The following LRRTM4 variants were observed in gnomAD, a reference collection of about 807,000 sequenced individuals.
The protein encoded by LRRTM4 is leucine-rich repeat transmembrane neuronal protein 4.
LRRTM4 carries 25 observed loss-of-function variants against 47.6 expected under a neutral mutation model. The observed-to-expected ratio is 0.53, with a 90% confidence interval of 0.38 to 0.73. The LOEUF (loss-of-function observed/expected upper bound fraction) is 0.73. Ranked by LOEUF, LRRTM4 falls within the 30% of genes least tolerant of loss-of-function variation. The probability of loss-of-function intolerance (pLI) is 0.00; values close to 1 mark genes in which losing one functional copy is unlikely to be tolerated. For synonymous variants in LRRTM4, 311 were observed against 269.5 expected (o/e 1.15, Z -1.51); for missense variants, 638 against 713.4 (o/e 0.89, Z 1.20).
At chr2:77,391,421 T>G (rs1182215198) in intron 3 of LRRTM4, among the ~76,000 whole-genome samples, 1 of 152,026 alleles carries the variant, frequency 6.6e-6, no homozygotes, top group Admixed American at 6.6e-5. Context: ...CATTGTTTTA[T>G]GTCAAATTTT....
intron 3 of LRRTM4, among the ~76,000 whole-genome samples, chr2:77,455,178 A>C (rs1325876124): frequency 6.6e-6 from 1 of 152,028 alleles, no homozygotes; most frequent in Non-Finnish European, 1.5e-5. Context: ...ACAGAGCAAG[A>C]CTCTGTCTCT....
At chr2:76,896,879 T>A (rs578231126) in intron 3 of LRRTM4, among the ~76,000 whole-genome samples, 4 of 149,510 alleles carry the variant, frequency 2.7e-5, no homozygotes, top group African/African-American at 9.9e-5. Context: ...TAAATAATCA[T>A]GTAACACAAC....
intron 3 of LRRTM4, among the ~76,000 whole-genome samples, chr2:77,423,763 T>C (rs1284771313): frequency 6.6e-6 from 1 of 152,132 alleles, no homozygotes; most frequent in Non-Finnish European, 1.5e-5. Flanking sequence ...CTAGAAGGTA[T>C]GTAGGAAAAT....
intron 3 of LRRTM4, among the ~76,000 whole-genome samples, chr2:77,313,164 A>C (rs1311435248): frequency 1.4e-5 from 2 of 146,456 alleles, no homozygotes; most frequent in East Asian, 3.9e-4. Context: ...TGTTGCTGTG[A>C]CGTGCCTCCC....
intron 3 of LRRTM4, among the ~76,000 whole-genome samples, chr2:77,011,177 T>C (rs1029340317): frequency 2.0e-5 from 3 of 152,108 alleles, no homozygotes; most frequent in Admixed American, 6.6e-5. Flanking sequence ...AAAATAGTTT[T>C]AACACAGTTT....
chr2:77,069,446 T>C (rs1274886010), intron 3 of LRRTM4, among the ~76,000 whole-genome samples: 1 of 151,848 alleles, frequency 6.6e-6, no homozygotes, highest in Non-Finnish European at 1.5e-5. Flanking sequence ...TGTTTGTGTG[T>C]GTTGGAAGAG....
At chr2:77,293,419 C>T (rs141785061) in intron 3 of LRRTM4, among the ~76,000 whole-genome samples, 18 of 151,978 alleles carry the variant, frequency 1.2e-4, no homozygotes, top group Admixed American at 2.6e-4. Context: ...ATGAACAAAG[C>T]GGACAGTTTT....
chr2:77,207,295 T>C lies in LRRTM4; in HGVS notation c.1551+311023A>G, dbSNP rs544716800. Among the ~76,000 whole-genome samples, 174 of 146,648 alleles carry C rather than the reference T, an allele frequency of 1.2e-3. 1 individual carries two copies. The highest frequency in any genetic ancestry group is 2.1e-3 in the South Asian group (10 of 4,724). ...ATATATGTATATGTGTGTGTATATA[T>C]ATACGTATATATACACATGTATGTG... On this transcript the variant is annotated intron_variant, in intron 3 of 3. Coordinates refer to ENST00000409884, the MANE Select transcript of LRRTM4 (RefSeq NM_001134745.3).
chr2:77,362,013 C>T (rs1209413384), intron 3 of LRRTM4, among the ~76,000 whole-genome samples: 4 of 151,794 alleles, frequency 2.6e-5, no homozygotes, highest in South Asian at 2.1e-4. Context: ...CACTTGGCTC[C>T]AGGAGGTGGA....
intron 3 of LRRTM4, among the ~76,000 whole-genome samples, chr2:76,974,077 T>C (rs1489154318): frequency 6.6e-6 from 1 of 150,560 alleles, no homozygotes; most frequent in East Asian, 2.0e-4. Flanking sequence ...TTACCATCCG[T>C]TTAAAAAAAT....
chr2:77,150,602 C>T (rs1672391324), intron 3 of LRRTM4, among the ~76,000 whole-genome samples: 1 of 152,036 alleles, frequency 6.6e-6, no homozygotes. Flanking sequence ...ATCTATAAGA[C>T]ATATATGATA....
At chr2:77,502,269 A>T (rs554253932) in intron 3 of LRRTM4, among the ~76,000 whole-genome samples, 1 of 151,520 alleles carries the variant, frequency 6.6e-6, no homozygotes, top group Non-Finnish European at 1.5e-5. Context: ...TAGAAAAAAG[A>T]TAATAAAAGT....
chr2:76,790,336 A>C (rs1178622121), intron 3 of LRRTM4, among the ~76,000 whole-genome samples: 1 of 151,924 alleles, frequency 6.6e-6, no homozygotes, highest in Non-Finnish European at 1.5e-5. Context: ...TTTGCCTCTG[A>C]ATAAAGAAAG....
intron 3 of LRRTM4, among the ~76,000 whole-genome samples, chr2:76,908,206 T>C (rs1299911476): frequency 4.6e-5 from 7 of 151,032 alleles, no homozygotes; most frequent in Admixed American, 2.0e-4. Flanking sequence ...AATCAATAAA[T>C]GTAATCCAGC....
chr2:77,354,748 C>T lies in LRRTM4; in HGVS notation c.1551+163570G>A, dbSNP rs1406856544. Reference sequence around the variant, plus strand: ...CAAGGAAGCTGGCCTTTCATACTTCCACACTCGTCAGCCATTGGCTAAGGG... The same window carrying T: ...CAAGGAAGCTGGCCTTTCATACTTCTACACTCGTCAGCCATTGGCTAAGGG... On this transcript the variant is annotated intron_variant, in intron 3 of 3. Coordinates refer to ENST00000409884, the MANE Select transcript of LRRTM4 (RefSeq NM_001134745.3). Among the ~76,000 whole-genome samples the T allele has an allele frequency of 2.0e-5, 3 of 152,110 alleles. No individual in the cohort carries two copies. The East Asian group carries it at 5.8e-4, about 29-fold the overall frequency.
intron 3 of LRRTM4, among the ~76,000 whole-genome samples, chr2:77,310,160 T>C (rs1231718910): frequency 6.6e-6 from 1 of 152,182 alleles, no homozygotes; most frequent in Non-Finnish European, 1.5e-5. Flanking sequence ...TAAGCTCATA[T>C]GTTTATAACT....
chr2:77,444,721 T>C (rs1456608354), intron 3 of LRRTM4, among the ~76,000 whole-genome samples: 1 of 152,098 alleles, frequency 6.6e-6, no homozygotes, highest in African/African-American at 2.4e-5. Flanking sequence ...GGAGTGTTTA[T>C]TAAACTCACA....
chr2:77,031,518 G>C (rs1678655503), intron 3 of LRRTM4, among the ~76,000 whole-genome samples: 1 of 152,046 alleles, frequency 6.6e-6, no homozygotes, highest in South Asian at 2.1e-4. Flanking sequence ...GAAATCACTG[G>C]AACAATTATC....
chr2:76,939,950 G>A (rs1216977722), intron 3 of LRRTM4, among the ~76,000 whole-genome samples: 1 of 151,882 alleles, frequency 6.6e-6, no homozygotes, highest in East Asian at 1.9e-4. Flanking sequence ...ATCCAAGAAG[G>A]GGTTGGTTCA....
Sources: gnomAD v4.1 joint callset for allele counts (sites outside exome capture counted in the v4.1 genomes callset) on GRCh38, gnomAD v4.1.1 for gene constraint, MANE v1.5 for transcripts, NCBI Gene and HGNC (gene_info 2026-07-23, HGNC 2026-07-21) for gene names.